TMPRSS2: variants seen among roughly 807,000 people sequenced by gnomAD.
TMPRSS2 encodes transmembrane serine protease 2, also known as transmembrane protease serine 2.
A neutral mutation model predicts 67.4 loss-of-function variants in TMPRSS2; 59 were observed. The ratio of observed to expected loss-of-function variants is 0.88; its 90% CI spans 0.71 to 1.09. TMPRSS2 has a LOEUF of 1.09. Among genes scored for constraint, TMPRSS2 ranks in the 50% least tolerant of loss-of-function variants. TMPRSS2 has a pLI of 0.00. For synonymous variants in TMPRSS2, 257 were observed against 257.0 expected (o/e 1.00, Z 0.00); for missense variants, 668 against 642.7 (o/e 1.04, Z -0.43).
chr21:41,485,081 C>CAT (rs2091285999), intron 5 of TMPRSS2, among the ~76,000 whole-genome samples: 2 of 140,362 alleles, frequency 1.4e-5, no homozygotes, highest in South Asian at 2.4e-4. Flanking sequence ...GGGAGTGATG[C>CAT]GTGTGTGTGT....
At chr21:41,471,669 C>T (rs1174787683) in intron 10 of TMPRSS2, 137 bp downstream of exon 10, 2 of 967,984 alleles carry the variant, frequency 2.1e-6, no homozygotes, top group Admixed American at 5.5e-5. Context: ...TGAGCCTCTC[C>T]CATTGGCCAC....
At chr21:41,466,702 C>A (rs115975538) in intron 13 of TMPRSS2, among the ~76,000 whole-genome samples, 1,915 of 152,298 alleles carry the variant, frequency 0.013, 37 homozygotes, top group African/African-American at 0.043. Context: ...CGGGCCTCAG[C>A]GGGAAAGGCC....
At position 41,508,148 on chromosome 21, in the gene TMPRSS2, C is replaced by A; in HGVS notation, c.-124G>T. The A allele has an allele frequency of 1.3e-6, 1 of 767,948 alleles. No homozygotes were observed. The highest frequency in any genetic ancestry group is 3.5e-5 in the South Asian group (1 of 28,792). 47.6% of individuals were successfully genotyped at this position (767,948 alleles called of 1,614,324 possible). On this transcript the variant is annotated 5_prime_UTR_variant, in exon 1 of 14. Transcript: ENST00000332149. ...CTCCGCCTCCGCCTCCTGCTTAGCT[C>A]GCGCCTACTCGGCCCGGCCCGCCCT...
chr21:41,495,005 A>T (rs1460495105), intron 2 of TMPRSS2, among the ~76,000 whole-genome samples: 2 of 151,076 alleles, frequency 1.3e-5, no homozygotes, highest in Non-Finnish European at 2.9e-5. Flanking sequence ...GGAGGCAGAG[A>T]TTGCAGTGAG....
intron 3 of TMPRSS2, among the ~76,000 whole-genome samples, chr21:41,491,606 C>A (rs982435823): frequency 6.6e-6 from 1 of 152,198 alleles, no homozygotes; most frequent in African/African-American, 2.4e-5. Flanking sequence ...CAGATGCCCT[C>A]TCTGGCCCAT....
In TMPRSS2 at chr21:41,473,511, C is replaced by G; in HGVS notation, c.728-15G>C. On this transcript the variant is annotated splice_polypyrimidine_tract_variant and intron_variant, in intron 8 of 13. Transcript: ENST00000332149. ...GACCCCGCAGGCTGAGGATGACAAA[C>G]AGGAGGCCAGTGGGGTGAGACCAGC... The G allele has an allele frequency of 6.2e-7, 1 of 1,600,064 alleles. No individual in the cohort carries two copies. The highest frequency in any genetic ancestry group is 8.5e-7 in the Non-Finnish European group (1 of 1,172,966).
At chr21:41,495,775 C>G (rs541550816) in intron 2 of TMPRSS2, among the ~76,000 whole-genome samples, 1 of 152,006 alleles carries the variant, frequency 6.6e-6, no homozygotes, top group South Asian at 2.1e-4. Context: ...GCTCTGGGGC[C>G]CCTGACCCAC....
chr21:41,497,985 C>T (rs2091396793), intron 2 of TMPRSS2, 134 bp downstream of exon 2: 1 of 669,856 alleles, frequency 1.5e-6, no homozygotes, highest in Admixed American at 2.6e-5. Context: ...TAGAGGGTGC[C>T]TTGAACAGCA....
intron 1 of TMPRSS2, among the ~76,000 whole-genome samples, chr21:41,503,614 CT>C (rs911930082): frequency 3.3e-5 from 5 of 152,164 alleles, no homozygotes. Context: ...GAAGAGCAGG[CT>C]TGGATTCTAT....
intron 10 of TMPRSS2, among the ~76,000 whole-genome samples, chr21:41,470,946 AGAATTATTTGCTAGCTCTGCTTATAAGAG>A (rs1440789729): frequency 2.6e-5 from 4 of 152,244 alleles, no homozygotes; most frequent in Non-Finnish European, 4.4e-5. Flanking sequence ...ACTTATAAGT[AGAATTATTTGCTAGCTCTGCTTATAAGAG>A]GAATTATTTG....
chr21:41,502,534 A>T, intron 1 of TMPRSS2: 1 of 985,400 alleles, frequency 1.0e-6, no homozygotes, highest in African/African-American at 1.7e-5. Context: ...CCACGGACAC[A>T]TCCCAGCCAA....
Position 41,464,960 on chromosome 21 carries a change from C to G in TMPRSS2, c.*1182G>C, listed in dbSNP as rs1383329311. 3 of 233,158 alleles carry G rather than the reference C, an allele frequency of 1.3e-5. No individual in the cohort carries two copies. The highest frequency in any genetic ancestry group is 2.5e-5 in the Non-Finnish European group (3 of 118,064). The allele number at this position is 233,158 out of a possible 1,614,324, so 14.4% of individuals were successfully genotyped here. On this transcript the variant is annotated 3_prime_UTR_variant, in exon 14 of 14. Coordinates refer to ENST00000332149, the MANE Select transcript of TMPRSS2 (RefSeq NM_005656.4). Reference sequence around the variant, plus strand: ...TGGCACTTGGCAATGCAAAAGGGACCCTTCCCCTGGTTGGAAACCCACAGC... The same window carrying G: ...TGGCACTTGGCAATGCAAAAGGGACGCTTCCCCTGGTTGGAAACCCACAGC...
At chr21:41,496,436 T>A (rs577650141) in intron 2 of TMPRSS2, among the ~76,000 whole-genome samples, 295 of 152,358 alleles carry the variant, frequency 1.9e-3, no homozygotes, top group Non-Finnish European at 3.1e-3. Context: ...ATTACATGCA[T>A]TTTTGTGCAG....
rs2091079319 is a variant in TMPRSS2, at chr21:41,465,887, C to T, written c.*255G>A. ...ATGGGGCAGCCTCCACCCCTCTCCTCCACACTTGACCGCCAGTGCCCACAA... is the reference window on the plus strand; with the variant it reads ...ATGGGGCAGCCTCCACCCCTCTCCTTCACACTTGACCGCCAGTGCCCACAA... On this transcript the variant is annotated 3_prime_UTR_variant, in exon 14 of 14. Transcript: ENST00000332149. 3 of 573,666 alleles carry T rather than the reference C, an allele frequency of 5.2e-6. No homozygotes were observed. Among genetic ancestry groups the T allele is most frequent in the East Asian group, 3.0e-5 (1 of 33,422 alleles). 35.5% of individuals were successfully genotyped at this position (573,666 alleles called of 1,614,324 possible).
At chr21:41,480,786 CCACCACCCCGT>C (rs2091251461) in intron 5 of TMPRSS2, among the ~76,000 whole-genome samples, 184 bp from the exon 6 acceptor site, 1 of 152,090 alleles carries the variant, frequency 6.6e-6, no homozygotes, top group Admixed American at 6.5e-5. Context: ...TTACAGGCGT[CCACCACCCCGT>C]CCAGTTAATT....
At position 41,471,801 on chromosome 21, in the gene TMPRSS2, C is replaced by T. The variant is rs370927492; in HGVS notation, c.1075+5G>A. Reference sequence around the variant, plus strand: ...ACCTGCTTGCCAAGCCTGAGCCACACGTACCGTTGAAAGTCAGAGGCTTCT... The same window carrying T: ...ACCTGCTTGCCAAGCCTGAGCCACATGTACCGTTGAAAGTCAGAGGCTTCT... On this transcript the variant is annotated splice_donor_5th_base_variant and intron_variant, in intron 10 of 13. Coordinates refer to ENST00000332149, the MANE Select transcript of TMPRSS2 (RefSeq NM_005656.4). 20 of 1,592,754 alleles carry T rather than the reference C, an allele frequency of 1.3e-5. No homozygotes were observed. The highest frequency in any genetic ancestry group is 4.5e-5 in the South Asian group (4 of 89,492).
At chr21:41,481,848 A>T (rs1327589527) in intron 5 of TMPRSS2, among the ~76,000 whole-genome samples, 1 of 152,166 alleles carries the variant, frequency 6.6e-6, no homozygotes, top group Admixed American at 6.5e-5. Flanking sequence ...AGATCACCTG[A>T]GGTCAGGCGT....
Position 41,489,563 on chromosome 21 carries a change from G to A in TMPRSS2, c.269C>T (p.Thr90Ile), listed in dbSNP as rs1350156643. ...KTKKALCITL[T>I]LGTFLVGAAL... ...AGCTCCCACGAGGAAGGTCCCCAGG[G>A]TCAAGGTGATGCACAGTGCTTTCTT... The change falls in exon 4 of 14, where the codon ACC (threonine) becomes ATC (isoleucine). Residue 90 changes from threonine to isoleucine, a missense_variant. Thr to Ile is a moderately conservative substitution (Grantham distance 89). Coordinates refer to ENST00000332149, the MANE Select transcript of TMPRSS2 (RefSeq NM_005656.4). 2 of 1,614,046 alleles carry A rather than the reference G, an allele frequency of 1.2e-6. No homozygotes were observed. Among genetic ancestry groups the A allele is most frequent in the Non-Finnish European group, 1.7e-6 (2 of 1,180,008 alleles).
At chr21:41,483,113 C>A (rs1424234869) in intron 5 of TMPRSS2, among the ~76,000 whole-genome samples, 1 of 152,156 alleles carries the variant, frequency 6.6e-6, no homozygotes, top group African/African-American at 2.4e-5. Context: ...ATGTATGCAT[C>A]AGGTTCATCG....
Sources: gnomAD v4.1 joint callset for allele counts (sites outside exome capture counted in the v4.1 genomes callset) on GRCh38, gnomAD v4.1.1 for gene constraint, MANE v1.5 for transcripts, NCBI Gene and HGNC (gene_info 2026-07-23, HGNC 2026-07-21) for gene names.